The following DPP10 variants were observed in gnomAD, a reference collection of about 807,000 sequenced individuals.
DPP10 encodes the protein inactive dipeptidyl peptidase 10.
A neutral mutation model predicts 120.9 loss-of-function variants in DPP10; 33 were observed. The observed-to-expected ratio is 0.27, with a 90% CI of 0.21 to 0.37. DPP10 has a LOEUF of 0.37. Ranked by LOEUF, DPP10 falls within the 10% of genes least tolerant of loss-of-function variation. The pLI is 1.00. For synonymous variants in DPP10, 337 were observed against 326.1 expected, an observed-to-expected ratio of 1.03 and a Z score of -0.36; for missense variants, 816 against 942.8, an observed-to-expected ratio of 0.87 and a Z score of 1.76.
At chr2:115,585,128 A>G (rs1177069396) in intron 5 of DPP10, among the ~76,000 whole-genome samples, 1 of 152,210 alleles carries the variant, frequency 6.6e-6, no homozygotes, top group Non-Finnish European at 1.5e-5. Flanking sequence ...TAGTTAAGAA[A>G]TAATACTGAT....
At chr2:115,430,314 C>T (rs375963245) in intron 3 of DPP10, among the ~76,000 whole-genome samples, 23 of 152,088 alleles carry the variant, frequency 1.5e-4, no homozygotes, top group East Asian at 3.9e-4. Context: ...CCAGATCCAC[C>T]GTTGGACTTT....
At chr2:115,450,102 T>A (rs1574881931) in intron 3 of DPP10, among the ~76,000 whole-genome samples, 1 of 152,086 alleles carries the variant, frequency 6.6e-6, no homozygotes, top group East Asian at 1.9e-4. Context: ...TAGCCCATCA[T>A]AAGTTGAGAA....
chr2:115,567,110 C>G (rs925871470), intron 5 of DPP10, among the ~76,000 whole-genome samples: 10 of 151,744 alleles, frequency 6.6e-5, no homozygotes, highest in Non-Finnish European at 1.2e-4. Flanking sequence ...ATTTCAAGTA[C>G]TATTTGGTGT....
intron 1 of DPP10, among the ~76,000 whole-genome samples, chr2:115,152,830 C>T (rs181748304): frequency 1.1e-4 from 16 of 152,302 alleles, no homozygotes; most frequent in Admixed American, 1.0e-3. Context: ...AGATTTTATA[C>T]TGCTTTCGAG....
intron 1 of DPP10, among the ~76,000 whole-genome samples, chr2:114,670,695 T>A (rs1698272858): frequency 6.6e-6 from 1 of 151,992 alleles, no homozygotes; most frequent in Non-Finnish European, 1.5e-5. Context: ...ATAAGAAAAA[T>A]TATTTTTATC....
chr2:115,327,963 C>A (rs1269203512), intron 2 of DPP10, among the ~76,000 whole-genome samples: 1 of 151,946 alleles, frequency 6.6e-6, no homozygotes, highest in African/African-American at 2.4e-5. Context: ...AAATTTCAAC[C>A]CATTGACAAG....
At chr2:115,824,606 A>G (rs1376276722) in intron 21 of DPP10, among the ~76,000 whole-genome samples, 1 of 152,146 alleles carries the variant, frequency 6.6e-6, no homozygotes, top group Non-Finnish European at 1.5e-5. Flanking sequence ...TTTGCTGAGA[A>G]TGATGGCTTC....
intron 1 of DPP10, among the ~76,000 whole-genome samples, chr2:115,122,988 T>A (rs1400373776): frequency 6.6e-6 from 1 of 152,186 alleles, no homozygotes; most frequent in Non-Finnish European, 1.5e-5. Flanking sequence ...AAAGAATCCA[T>A]GTACAGGGGT....
rs538560775 is a variant in DPP10, at chr2:115,359,424, T to C, written c.271+15512T>C. On this transcript the variant is annotated intron_variant, in intron 3 of 25. Coordinates refer to ENST00000410059, the MANE Select transcript of DPP10 (RefSeq NM_020868.6). ...CAGAAGATGAAATTATCTGAAATTT[T>C]TTTAATGATATGAAAATAGACCTAC... Among the ~76,000 whole-genome samples the C allele has an allele frequency of 1.7e-3, 266 of 152,330 alleles. 1 individual carries two copies. Among genetic ancestry groups the C allele is most frequent in the Middle Eastern group, 0.01 (3 of 294 alleles).
chr2:114,856,933 A>G (rs1461741935), intron 1 of DPP10, among the ~76,000 whole-genome samples: 1 of 152,234 alleles, frequency 6.6e-6, no homozygotes, highest in African/African-American at 2.4e-5. Context: ...CCTGTCCATT[A>G]CAATAAATAC....
intron 2 of DPP10, among the ~76,000 whole-genome samples, chr2:115,326,405 C>T (rs1056713628): frequency 6.6e-6 from 1 of 151,994 alleles, no homozygotes; most frequent in African/African-American, 2.4e-5. Flanking sequence ...ACATATGGTA[C>T]ATAATAATAA....
chr2:115,526,780 C>A (rs2078158527), intron 5 of DPP10, among the ~76,000 whole-genome samples: 1 of 152,096 alleles, frequency 6.6e-6, no homozygotes, highest in African/African-American at 2.4e-5. Context: ...CATGGAATTT[C>A]ACAGTTCGAA....
At chr2:115,299,237 G>T (rs999498401) in intron 1 of DPP10, among the ~76,000 whole-genome samples, 1 of 152,040 alleles carries the variant, frequency 6.6e-6, no homozygotes, top group Admixed American at 6.6e-5. Context: ...AATATAAAAA[G>T]TGGTATTGAA....
At chr2:115,589,129 G>C (rs1484123241) in intron 5 of DPP10, among the ~76,000 whole-genome samples, 2 of 152,098 alleles carry the variant, frequency 1.3e-5, no homozygotes, top group African/African-American at 2.4e-5. Context: ...AATTACTAAA[G>C]TGAACAGTGT....
intron 5 of DPP10, among the ~76,000 whole-genome samples, chr2:115,589,601 A>C (rs766931613): frequency 3.3e-5 from 5 of 152,210 alleles, no homozygotes; most frequent in Non-Finnish European, 4.4e-5. Flanking sequence ...CAATGCTCAG[A>C]ATCAAAAGGC....
intron 1 of DPP10, among the ~76,000 whole-genome samples, chr2:115,159,129 G>C (rs1309268326): frequency 6.6e-6 from 1 of 151,998 alleles, no homozygotes; most frequent in Non-Finnish European, 1.5e-5. Context: ...TATCTTAATG[G>C]GCACCTGGTC....
chr2:115,813,353 C>T (rs1686869022), intron 19 of DPP10, among the ~76,000 whole-genome samples: 1 of 152,128 alleles, frequency 6.6e-6, no homozygotes. Flanking sequence ...GGGTTGCAGA[C>T]GACCGCCCTC....
At chr2:115,352,350 C>A (rs2106309863) in intron 3 of DPP10, among the ~76,000 whole-genome samples, 1 of 152,232 alleles carries the variant, frequency 6.6e-6, no homozygotes, top group South Asian at 2.1e-4. Context: ...GTGCTCTGCA[C>A]AGAGCTTCAT....
intron 3 of DPP10, among the ~76,000 whole-genome samples, chr2:115,389,906 A>C (rs1438399303): frequency 6.6e-6 from 1 of 152,222 alleles, no homozygotes; most frequent in South Asian, 2.1e-4. Context: ...GTTGTAAAAT[A>C]CTCTCTACTC....
Sources: gnomAD v4.1 joint callset for allele counts (sites outside exome capture counted in the v4.1 genomes callset) on GRCh38, gnomAD v4.1.1 for gene constraint, MANE v1.5 for transcripts, NCBI Gene and HGNC (gene_info 2026-07-23, HGNC 2026-07-21) for gene names.